FRMPD4: variants seen among roughly 807,000 people sequenced by gnomAD.
FRMPD4 encodes the protein FERM and PDZ domain containing 4, also known as FERM and PDZ domain-containing protein 4.
In FRMPD4, 22 loss-of-function variants were observed where a neutral mutation model predicts 94.1. That is an observed-to-expected ratio of 0.23 (90% CI 0.17 to 0.33). The LOEUF is 0.33. Ranked by LOEUF, FRMPD4 falls within the 10% of genes least tolerant of loss-of-function variation. The pLI, the probability that FRMPD4 is intolerant of heterozygous loss-of-function variation, is 1.00. For synonymous variants in FRMPD4, 631 were observed against 548.6 expected, an observed-to-expected ratio of 1.15 and a Z score of -2.10; for missense variants, 1,111 against 1,339.9, an observed-to-expected ratio of 0.83 and a Z score of 2.67.
Position 12,720,694 on chromosome X carries a change from A to C in FRMPD4, c.4125A>C (p.Ala1375=). Residue 1375 remains alanine (A), a synonymous_variant, in exon 17 of 17, where the codon GCA becomes GCC. Transcript: ENST00000675598. Reference sequence around the variant, plus strand: ...ATGATTTCTCCCAAGCAAATCAGGCATACGGAGAGGCTGTGAGCTGGCGGC... The same window carrying C: ...ATGATTTCTCCCAAGCAAATCAGGCCTACGGAGAGGCTGTGAGCTGGCGGC... ...DPNDFSQANQ[A]YGEAVSWRPP... 1 of 1,086,153 alleles carries C rather than the reference A, an allele frequency of 9.2e-7. No individual in the cohort carries two copies. The allele number at this position is 1,086,153 out of a possible 1,213,427, so 89.5% of individuals were successfully genotyped here.
intron 3 of FRMPD4, among the ~76,000 whole-genome samples, chrX:12,051,433 T>C (rs1423443008): frequency 9.0e-6 from 1 of 111,517 alleles, no homozygotes; most frequent in Non-Finnish European, 1.9e-5. Flanking sequence ...ATTTCAAAGG[T>C]AGTAAGATAA....
intron 5 of FRMPD4, among the ~76,000 whole-genome samples, chrX:12,678,827 A>G (rs932215265): frequency 1.8e-5 from 2 of 112,219 alleles, no homozygotes; most frequent in Non-Finnish European, 3.8e-5. Context: ...CTCTGTCTCA[A>G]AAAACAAAAA....
intron 3 of FRMPD4, among the ~76,000 whole-genome samples, chrX:11,890,347 T>C (rs1331089486): frequency 3.6e-5 from 4 of 111,357 alleles, no homozygotes; most frequent in African/African-American, 1.3e-4. Context: ...ACATACTAAA[T>C]CAGAATCTGC....
chrX:11,928,864 C>T (rs1031913557), intron 3 of FRMPD4, among the ~76,000 whole-genome samples: 4 of 112,466 alleles, frequency 3.6e-5, no homozygotes, highest in Non-Finnish European at 5.6e-5. Flanking sequence ...TAAACCTAAA[C>T]GCCCATCAAT....
intron 3 of FRMPD4, among the ~76,000 whole-genome samples, chrX:11,969,880 T>C (rs1440121797): frequency 9.0e-6 from 1 of 111,503 alleles, no homozygotes; most frequent in African/African-American, 3.3e-5. Flanking sequence ...TCATTTTGTT[T>C]CTCTCCACTC....
intron 1 of FRMPD4, among the ~76,000 whole-genome samples, chrX:12,268,660 T>C (rs781335646): frequency 8.0e-5 from 9 of 112,139 alleles, no homozygotes; most frequent in African/African-American, 2.9e-4. Flanking sequence ...AAGTATTCCA[T>C]CTCATTGACA....
intron 1 of FRMPD4, among the ~76,000 whole-genome samples, chrX:12,245,948 AT>A (rs113637744): frequency 0.11 from 11,863 of 111,358 alleles, 575 homozygotes; most frequent in South Asian, 0.24. Flanking sequence ...AGTCTGTGGC[AT>A]TTCTGTTACA....
At chrX:12,302,188 C>T (rs1286796447) in intron 1 of FRMPD4, among the ~76,000 whole-genome samples, 2 of 111,692 alleles carry the variant, frequency 1.8e-5, no homozygotes, top group Non-Finnish European at 3.8e-5. Flanking sequence ...CGAGGGGTCA[C>T]CCTGCCCTGG....
chrX:12,429,712 A>G (rs2056990706), intron 1 of FRMPD4, among the ~76,000 whole-genome samples: 1 of 112,219 alleles, frequency 8.9e-6, no homozygotes, highest in African/African-American at 3.2e-5. Flanking sequence ...TGTGTCCTGC[A>G]ACTCTAAATT....
intron 2 of FRMPD4, among the ~76,000 whole-genome samples, chrX:12,507,750 C>G (rs1467058185): frequency 2.7e-5 from 3 of 112,025 alleles, no homozygotes; most frequent in Non-Finnish European, 5.6e-5. Flanking sequence ...TTGCATAGCT[C>G]TGACACCTAT....
At chrX:12,441,988 C>T (rs748642364) in intron 1 of FRMPD4, among the ~76,000 whole-genome samples, 32 of 111,503 alleles carry the variant, frequency 2.9e-4, no homozygotes, top group African/African-American at 9.8e-4. Context: ...GAGCTCCTTT[C>T]AGAGAGGCAC....
intron 1 of FRMPD4, among the ~76,000 whole-genome samples, chrX:12,437,941 G>T (rs1295030559): frequency 1.8e-5 from 2 of 111,702 alleles, no homozygotes; most frequent in Non-Finnish European, 3.8e-5. Context: ...TAGGATCAAG[G>T]ATCAAAATTT....
upstream of FRMPD4, among the ~76,000 whole-genome samples, chrX:12,137,817 T>C (rs1024478265): frequency 3.6e-5 from 4 of 112,109 alleles, no homozygotes; most frequent in East Asian, 2.8e-4. Context: ...TTTTGTTTTG[T>C]TTTGTTTTTT....
intron 2 of FRMPD4, among the ~76,000 whole-genome samples, chrX:12,592,034 A>T (rs1157057393): frequency 1.8e-5 from 2 of 111,306 alleles, no homozygotes; most frequent in African/African-American, 6.5e-5. Context: ...CCCATCTCCC[A>T]CAATGCAAGC....
intron 1 of FRMPD4, among the ~76,000 whole-genome samples, chrX:12,465,707 T>C (rs1003371374): frequency 1.1e-4 from 12 of 112,135 alleles, no homozygotes; most frequent in Non-Finnish European, 2.1e-4. Flanking sequence ...TGAGCTTTAA[T>C]GTTGAATGAA....
chrX:11,883,568 A>G (rs1341391640), intron 3 of FRMPD4, among the ~76,000 whole-genome samples: 1 of 111,713 alleles, frequency 9.0e-6, no homozygotes, highest in African/African-American at 3.3e-5. Flanking sequence ...AACACTTCAA[A>G]TCTACAAGGA....
chrX:12,008,483 T>C (rs1329940085), intron 3 of FRMPD4, among the ~76,000 whole-genome samples: 1 of 112,655 alleles, frequency 8.9e-6, no homozygotes, highest in Non-Finnish European at 1.9e-5. Flanking sequence ...TTTCTTATTT[T>C]AAACACATTG....
chrX:12,356,627 T>C (rs1205712264), intron 1 of FRMPD4, among the ~76,000 whole-genome samples: 3 of 112,244 alleles, frequency 2.7e-5, no homozygotes, highest in Non-Finnish European at 1.9e-5. Context: ...AATTGTATAC[T>C]TTAAAAAGGT....
intron 2 of FRMPD4, among the ~76,000 whole-genome samples, chrX:12,546,153 A>G (rs1250427464): frequency 1.9e-5 from 2 of 106,559 alleles, no homozygotes; most frequent in Non-Finnish European, 3.9e-5. Flanking sequence ...CCAAATCGTG[A>G]GAACTGTATT....
Sources: allele counts gnomAD v4.1 joint callset (sites outside exome capture counted in the v4.1 genomes callset), GRCh38; gene constraint gnomAD v4.1.1; transcripts MANE v1.5; gene names NCBI Gene and HGNC (gene_info 2026-07-23, HGNC 2026-07-21).